Variants in HPS5 observed in about 807,000 individuals in gnomAD.
The protein encoded by HPS5 is HPS5 biogenesis of lysosomal organelles complex 2 subunit 2.
In HPS5, 83 loss-of-function variants were observed where a neutral mutation model predicts 128.0. That is an observed-to-expected ratio of 0.65 (90% CI 0.54 to 0.78). The LOEUF (loss-of-function observed/expected upper bound fraction) is 0.78, where lower values mean the gene tolerates loss of function less well. Among genes scored for constraint, HPS5 ranks in the 30% least tolerant of loss-of-function variants. The probability of loss-of-function intolerance (pLI) is 0.00; values close to 1 mark genes in which losing one functional copy is unlikely to be tolerated. For synonymous variants in HPS5, 475 were observed against 470.2 expected, an observed-to-expected ratio of 1.01 and a Z score of -0.13; for missense variants, 1,281 against 1,326.2, an observed-to-expected ratio of 0.97 and a Z score of 0.53.
chr11:18,300,667 A>G (rs1291209063), intron 9 of HPS5, among the ~76,000 whole-genome samples, 161 bp downstream of exon 9: 1 of 147,496 alleles, frequency 6.8e-6, no homozygotes, highest in East Asian at 2.0e-4. Context: ...AGTGCACTCC[A>G]GCCTGGGTGA....
chr11:18,320,434 G>A (rs936779203), intron 1 of HPS5, among the ~76,000 whole-genome samples: 2 of 152,144 alleles, frequency 1.3e-5, no homozygotes, highest in Non-Finnish European at 2.9e-5. Context: ...TCACTCTCAT[G>A]AAGCTGCCAA....
chr11:18,315,057 C>T (rs1323536729), intron 2 of HPS5, among the ~76,000 whole-genome samples: 1 of 152,168 alleles, frequency 6.6e-6, no homozygotes, highest in Non-Finnish European at 1.5e-5. Flanking sequence ...AGCTAACTAA[C>T]TTTTGCTTTT....
chr11:18,300,890 T>C lies in HPS5; in HGVS notation c.923A>G (p.Glu308Gly). Residue 308 changes from glutamate (E) to glycine (G), a missense_variant, in exon 9 of 23, where the codon GAA becomes GGA. Glu to Gly is a moderately conservative substitution (Grantham distance 98). Transcript: ENST00000349215. Reference protein sequence around the residue: ...LSEHCVLTWTERGIYIFIPQN... With the variant: ...LSEHCVLTWTGRGIYIFIPQN... ...AGGAATGAAAATATAAATTCCTCTT[T>C]CTGTCCAAGTCAGCACACAATGCTC... 1.2e-6 allele frequency: 2 copies of C among 1,601,704 alleles called. No homozygotes were observed. Among genetic ancestry groups the C allele is most frequent in the Non-Finnish European group, 1.7e-6 (2 of 1,168,770 alleles).
intron 16 of HPS5, among the ~76,000 whole-genome samples, 189 bp downstream of exon 16, chr11:18,291,253 A>G (rs1171532298): frequency 6.6e-6 from 1 of 152,182 alleles, no homozygotes; most frequent in African/African-American, 2.4e-5. Flanking sequence ...ATTTCTTATA[A>G]TCCAGTTGTG....
chr11:18,303,894 A>T, intron 8 of HPS5, among the ~76,000 whole-genome samples: 1 of 151,960 alleles, frequency 6.6e-6, no homozygotes, highest in East Asian at 1.9e-4. Context: ...ACTTCCCAAT[A>T]CCCCGCACAT....
rs150421998 is a variant in HPS5 at position 18,295,119 on chromosome 11, G to C, written c.1685C>G (p.Thr562Arg). ...TGGTCTCACTTTCAGATCAGGGCTC[G>C]TGTGAAGGGTGCCAATCTTCTCAGT... ...KTTEKIGTLH[T>R]SPDLKVRPEL... Residue 562 changes from threonine (T) to arginine (R), a missense_variant, in exon 14 of 23, where the codon ACG becomes AGG. Transcript: ENST00000349215. The C allele has an allele frequency of 6.2e-7, 1 of 1,614,074 alleles. No homozygotes were observed. The highest frequency in any genetic ancestry group is 8.5e-7 in the Non-Finnish European group (1 of 1,179,962).
chr11:18,313,227 A>T (rs1410188976), intron 2 of HPS5, among the ~76,000 whole-genome samples: 1 of 152,198 alleles, frequency 6.6e-6, no homozygotes, highest in Non-Finnish European at 1.5e-5. Flanking sequence ...TGAGGGAAAA[A>T]AAAAAATAGC....
chr11:18,284,732 A>G (rs770393598), intron 20 of HPS5, among the ~76,000 whole-genome samples: 1 of 152,218 alleles, frequency 6.6e-6, no homozygotes, highest in Non-Finnish European at 1.5e-5. Flanking sequence ...AGGGAAAAGA[A>G]AGACACAAGT....
intron 9 of HPS5, among the ~76,000 whole-genome samples, chr11:18,300,468 C>T (rs183334956): frequency 2.9e-4 from 44 of 151,852 alleles, no homozygotes; most frequent in Non-Finnish European, 5.6e-4. Flanking sequence ...AGGCTGAGGC[C>T]GGCAGATCAC....
rs59599668 is a variant in HPS5, at chr11:18,299,010, A to C, written c.986-40T>G. The C allele has an allele frequency of 4.2e-3, 6,633 of 1,572,552 alleles. 240 individuals are homozygous for C. The African/African-American group carries it at 0.079, about 19-fold the overall frequency. On this transcript the variant is annotated intron_variant, in intron 9 of 22. Coordinates refer to ENST00000349215, the MANE Select transcript of HPS5 (RefSeq NM_181507.2). Reference sequence around the variant, plus strand: ...GGTGTGAACATACAAAATGTTAACCAAATACCCCTTACAATTTTAAAAGGG... The same window carrying C: ...GGTGTGAACATACAAAATGTTAACCCAATACCCCTTACAATTTTAAAAGGG...
intron 8 of HPS5, among the ~76,000 whole-genome samples, chr11:18,303,220 ACT>A (rs1055833003): frequency 1.3e-5 from 2 of 151,140 alleles, no homozygotes; most frequent in African/African-American, 4.9e-5. Context: ...TTTCGAAAAA[ACT>A]CTTTGTTGAA....
intron 7 of HPS5, among the ~76,000 whole-genome samples, chr11:18,305,801 T>C (rs113865594): frequency 0.14 from 21,035 of 151,328 alleles, 1,577 homozygotes; most frequent in African/African-American, 0.19. Flanking sequence ...GGCACAATCT[T>C]GGCTCACTGC....
chr11:18,302,598 T>G (rs1331584059), intron 8 of HPS5, among the ~76,000 whole-genome samples: 2 of 152,170 alleles, frequency 1.3e-5, no homozygotes, highest in African/African-American at 4.8e-5. Context: ...TTTTCCTTTA[T>G]GTTTCCAAGA....
intron 12 of HPS5, chr11:18,296,345 G>T: frequency 1.7e-6 from 1 of 571,512 alleles, no homozygotes. Context: ...TACTAACCCT[G>T]AGTCCCCATA....
rs766774922 is a variant in HPS5 at position 18,310,731 on chromosome 11, T to C, written c.477+10A>G. 3.1e-6 allele frequency: 5 copies of C among 1,604,726 alleles called. No homozygotes were observed. The highest frequency in any genetic ancestry group is 4.3e-6 in the Non-Finnish European group (5 of 1,172,556). On this transcript the variant is annotated intron_variant, in intron 5 of 22. Transcript: ENST00000349215. ...TCACTACATACACAAAGAATGGGAC[T>C]GCTTCTCACCTTTGCTTGTTTAGAA...
In HPS5 at chr11:18,306,844, G is replaced by GA. The variant is rs1862427526; in HGVS notation, c.612-498_612-497insT. Reference sequence around the variant, plus strand: ...AGGTCCTTCTGAAACTCTGCACCTTGGAGCATTCTGTTCCCTTAGGATTAC... The same window carrying GA: ...AGGTCCTTCTGAAACTCTGCACCTTGAGAGCATTCTGTTCCCTTAGGATTAC... On this transcript the variant is annotated intron_variant, in intron 6 of 22. Coordinates refer to ENST00000349215, the MANE Select transcript of HPS5 (RefSeq NM_181507.2). Among the ~76,000 whole-genome samples, 3 of 152,118 alleles carry GA rather than the reference G, an allele frequency of 2.0e-5. No individual in the cohort carries two copies. The South Asian group carries it at 6.2e-4, about 32-fold the overall frequency.
chr11:18,291,736 A>G lies in HPS5; in HGVS notation c.2146T>C (p.Ser716Pro). The G allele has an allele frequency of 6.2e-7, 1 of 1,613,916 alleles. No homozygotes were observed. The highest frequency in any genetic ancestry group is 8.5e-7 in the Non-Finnish European group (1 of 1,179,952). ...CATATTTGAAACAGGTCATCCAAAGACTCCCTTGGACTCCTTACACATTCA... is the reference window on the plus strand; with the variant it reads ...CATATTTGAAACAGGTCATCCAAAGGCTCCCTTGGACTCCTTACACATTCA... The part of the protein sequence containing the change: ...ACECVRSPRE[S>P]LDDLFQICSP... Residue 716 changes from serine (S) to proline (P), a missense_variant, in exon 16 of 23, where the codon TCT becomes CCT. Coordinates refer to ENST00000349215, the MANE Select transcript of HPS5 (RefSeq NM_181507.2).
chr11:18,282,348 C>A (rs1284339129), intron 21 of HPS5, 128 bp from the exon 22 acceptor site: 2 of 1,009,752 alleles, frequency 2.0e-6, no homozygotes. Context: ...ATCTCATCAC[C>A]CTAACACAAG....
intron 2 of HPS5, among the ~76,000 whole-genome samples, chr11:18,313,783 G>C (rs1863276403): frequency 6.6e-6 from 1 of 152,038 alleles, no homozygotes; most frequent in Non-Finnish European, 1.5e-5. Context: ...GTGTGGCAGT[G>C]CGTGCCTGTA....
Sources: allele counts gnomAD v4.1 joint callset (sites outside exome capture counted in the v4.1 genomes callset), GRCh38; gene constraint gnomAD v4.1.1; transcripts MANE v1.5; gene names NCBI Gene and HGNC (gene_info 2026-07-23, HGNC 2026-07-21).